The following KIF1B variants were observed in gnomAD, a reference collection of about 807,000 sequenced individuals.
KIF1B encodes the protein kinesin family member 1B.
Under a neutral mutation model 241.9 loss-of-function variants are expected in KIF1B, and 76 were observed. The observed-to-expected ratio is 0.31, with a 90% CI of 0.26 to 0.38. The LOEUF (loss-of-function observed/expected upper bound fraction) is 0.38. KIF1B is among the 10% of genes least tolerant of loss of function. The probability of loss-of-function intolerance (pLI) is 1.00; values close to 1 mark genes in which losing one functional copy is unlikely to be tolerated. For missense variants in KIF1B, 1,622 were observed against 2,271.4 expected (o/e 0.71, Z 5.81); for synonymous variants, 750 against 796.7 (o/e 0.94, Z 0.99).
chr1:10,347,958 A>ATT (rs778525309), intron 36 of KIF1B, 131 bp downstream of exon 36: 333 of 578,444 alleles, frequency 5.8e-4, no homozygotes, highest in Middle Eastern at 1.1e-3. Context: ...TCCTGTTGTC[A>ATT]TTTTTTTTTT....
chr1:10,281,663 A>G (rs139961916), intron 14 of KIF1B, among the ~76,000 whole-genome samples: 62 of 152,344 alleles, frequency 4.1e-4, no homozygotes, highest in East Asian at 2.7e-3. Flanking sequence ...GAGGCAATCA[A>G]TTAGTCCTGA....
At chr1:10,260,633 G>A (rs6701287) in intron 4 of KIF1B, among the ~76,000 whole-genome samples, 5,505 of 152,194 alleles carry the variant, frequency 0.036, 346 homozygotes, top group African/African-American at 0.12. Context: ...GGGAGGCCAA[G>A]GCGGGTGGAT....
At position 10,374,978 on chromosome 1, in the gene KIF1B, G is replaced by C; in HGVS notation, c.5221G>C (p.Glu1741Gln). 7 of 1,614,126 alleles carry C rather than the reference G, an allele frequency of 4.3e-6. No individual in the cohort carries two copies. The highest frequency in any genetic ancestry group is 5.1e-6 in the Non-Finnish European group (6 of 1,180,014). ...FIYNSDKDPV[E>Q]RGIINLSTAQ... is the part of the protein sequence containing the mutation. ...CTATAACAGTGACAAAGACCCTGTGGAGCGTGGAATCATTAACCTGTCCAC... is the reference window on the plus strand; with the variant it reads ...CTATAACAGTGACAAAGACCCTGTGCAGCGTGGAATCATTAACCTGTCCAC... The change falls in exon 47 of 49, where the codon GAG becomes CAG. Residue 1741 changes from glutamate (E) to glutamine (Q), a missense_variant. Glu to Gln is a conservative substitution (Grantham distance 29, BLOSUM62 2). Coordinates refer to ENST00000676179, the MANE Select transcript of KIF1B (RefSeq NM_001365951.3). The surrounding 1 kb of genome is among the most constrained non-coding windows in gnomAD (Gnocchi z 4.3).
chr1:10,250,362 G>A (rs552275013), intron 2 of KIF1B, among the ~76,000 whole-genome samples: 17 of 144,760 alleles, frequency 1.2e-4, no homozygotes, highest in South Asian at 2.2e-4. Context: ...TTTTTGAAAC[G>A]GAGCCTCGCT....
chr1:10,316,417 C>G (rs1440769894), intron 22 of KIF1B, among the ~76,000 whole-genome samples: 1 of 151,528 alleles, frequency 6.6e-6, no homozygotes, highest in Non-Finnish European at 1.5e-5. Context: ...AAATAGATAT[C>G]TGGGCATGGA....
intron 1 of KIF1B, among the ~76,000 whole-genome samples, chr1:10,211,216 C>CG (rs905207858): frequency 6.6e-6 from 1 of 152,182 alleles, no homozygotes; most frequent in Non-Finnish European, 1.5e-5. Flanking sequence ...CGTTGCAGCC[C>CG]GGGGGGCGGC....
chr1:10,289,841 A>G (rs912255176), intron 15 of KIF1B, among the ~76,000 whole-genome samples: 10 of 152,122 alleles, frequency 6.6e-5, no homozygotes, highest in Non-Finnish European at 1.0e-4. Flanking sequence ...CCGAGATCGC[A>G]CCACTGTACG....
intron 12 of KIF1B, 64 bp downstream of exon 12, chr1:10,276,463 C>T: frequency 9.1e-7 from 1 of 1,099,464 alleles, no homozygotes; most frequent in Non-Finnish European, 1.4e-6. Flanking sequence ...TTTTGTGATA[C>T]CATGGATGTT....
intron 15 of KIF1B, among the ~76,000 whole-genome samples, chr1:10,283,689 G>C (rs543463717): frequency 6.6e-6 from 1 of 152,340 alleles, no homozygotes; most frequent in East Asian, 1.9e-4. Flanking sequence ...GTCACCTCCA[G>C]GAAGATAGTT....
At chr1:10,310,459 T>G (rs1456347875) in intron 22 of KIF1B, among the ~76,000 whole-genome samples, 1 of 151,622 alleles carries the variant, frequency 6.6e-6, no homozygotes, top group Non-Finnish European at 1.5e-5. Context: ...TTTGTGAAAC[T>G]GTTCAACTCT....
At chr1:10,350,950 T>TG (rs1215112492) in intron 37 of KIF1B, among the ~76,000 whole-genome samples, 2 of 151,796 alleles carry the variant, frequency 1.3e-5, no homozygotes, top group Non-Finnish European at 2.9e-5. Context: ...AAGCTGGGTG[T>TG]GGTGGCTCAT....
Position 10,365,639 on chromosome 1 carries a change from G to A in KIF1B, c.4743G>A (p.Leu1581=). The A allele has an allele frequency of 6.2e-7, 1 of 1,614,152 alleles. No individual in the cohort carries two copies. Among genetic ancestry groups the A allele is most frequent in the Non-Finnish European group, 8.5e-7 (1 of 1,180,044 alleles). The change falls in exon 43 of 49, where the codon CTG becomes CTA. Residue 1581 remains leucine (L), a synonymous_variant. Coordinates refer to ENST00000676179, the MANE Select transcript of KIF1B (RefSeq NM_001365951.3). This position sits in a 1 kb window ranked among gnomAD's most constrained non-coding sequence, Gnocchi z 4.0. ...IESLVDREKE[L]ATKCLQLLTH... ...GCCTGGTGGACCGAGAGAAAGAGCT[G>A]GCTACCAAGGTGTGAATCCCTTCCT...
intron 25 of KIF1B, among the ~76,000 whole-genome samples, chr1:10,324,467 T>A (rs1018777900): frequency 8.5e-5 from 13 of 152,322 alleles, no homozygotes; most frequent in Admixed American, 2.6e-4. Flanking sequence ...TCAGTGTATT[T>A]GAGATGTCAC....
chr1:10,224,380 T>C (rs140519307), intron 1 of KIF1B, among the ~76,000 whole-genome samples: 2,527 of 152,280 alleles, frequency 0.017, 61 homozygotes, highest in African/African-American at 0.056. Context: ...CCTCCCAAAG[T>C]GCTGGGATTA....
intron 27 of KIF1B, among the ~76,000 whole-genome samples, chr1:10,328,249 G>A (rs1260400801): frequency 2.6e-5 from 4 of 152,022 alleles, no homozygotes; most frequent in African/African-American, 7.2e-5. Context: ...TCACATGGTC[G>A]GAACCTCATA....
chr1:10,363,579 G>C (rs938120580), intron 41 of KIF1B, among the ~76,000 whole-genome samples: 1 of 151,950 alleles, frequency 6.6e-6, no homozygotes, highest in Non-Finnish European at 1.5e-5. Context: ...TGTAATCCCA[G>C]CTACTCAGGA....
intron 1 of KIF1B, chr1:10,227,607 A>C (rs977755937): frequency 3.9e-5 from 6 of 152,124 alleles, no homozygotes; most frequent in Non-Finnish European, 8.8e-5. Flanking sequence ...CCTTTGTTCG[A>C]GACCAGCCTG....
Position 10,229,867 on chromosome 1 carries a change from CAAAAAAAA to C in KIF1B, c.-79-2362_-79-2355del, listed in dbSNP as rs58923572. ...TGGGTGATGGAGTGAGACTCCGTCTCAAAAAAAAAAAAAAAAAAAAAAAAAAAAGAAAA... is the reference window on the plus strand; with the variant it reads ...TGGGTGATGGAGTGAGACTCCGTCTCAAAAAAAAAAAAAAAAAAAAGAAAA... On this transcript the variant is annotated intron_variant, in intron 1 of 48. Transcript: ENST00000676179. Among the ~76,000 whole-genome samples the C allele has an allele frequency of 9.1e-3, 512 of 56,456 alleles. 1 individual carries two copies. Among genetic ancestry groups the C allele is most frequent in the African/African-American group, 0.043 (463 of 10,834 alleles). The allele number at this position is 56,456 out of a possible 152,430, so 37.0% of individuals were successfully genotyped here.
intron 38 of KIF1B, 151 bp downstream of exon 38, chr1:10,352,887 C>T (rs1652849584): frequency 1.5e-6 from 1 of 664,080 alleles, no homozygotes; most frequent in Non-Finnish European, 2.8e-6. Flanking sequence ...TATTTCTTCA[C>T]CTGCCTGCTG....
Sources: gnomAD v4.1 joint callset for allele counts (sites outside exome capture counted in the v4.1 genomes callset) on GRCh38, gnomAD v4.1.1 for gene constraint, Gnocchi (gnomAD v3.1) non-coding constraint, MANE v1.5 for transcripts, NCBI Gene and HGNC (gene_info 2026-07-23, HGNC 2026-07-21) for gene names.